The following SGCZ variants were observed in gnomAD, a reference collection of about 807,000 sequenced individuals.
SGCZ encodes sarcoglycan zeta.
Under a neutral mutation model 41.3 loss-of-function variants are expected in SGCZ, and 40 were observed. The observed-to-expected ratio is 0.97, with a 90% CI of 0.75 to 1.26. The LOEUF (loss-of-function observed/expected upper bound fraction) is 1.26, where lower values mean the gene tolerates loss of function less well. Among genes scored for constraint, SGCZ ranks in the 50% most tolerant of loss-of-function variants. SGCZ has a pLI of 0.00. For missense variants in SGCZ, 552 were observed against 369.8 expected (o/e 1.49, Z -4.04); for synonymous variants, 206 against 137.5 (o/e 1.50, Z -3.49).
At chr8:15,095,301 GTTACCCAAGCTGAT>G (rs1806304478) in intron 1 of SGCZ, among the ~76,000 whole-genome samples, 1 of 152,038 alleles carries the variant, frequency 6.6e-6, no homozygotes, top group African/African-American at 2.4e-5. Context: ...GTTTCACCAT[GTTACCCAAGCTGAT>G]CTCAAATTCC....
At chr8:15,235,733 GGAAA>G (rs139838684) in intron 1 of SGCZ, among the ~76,000 whole-genome samples, 2,956 of 152,126 alleles carry the variant, frequency 0.019, 95 homozygotes, top group African/African-American at 0.065. Flanking sequence ...GGATTTCAGG[GGAAA>G]GAATCACCCC....
At chr8:14,580,201 C>T (rs1201519657) in intron 1 of SGCZ, among the ~76,000 whole-genome samples, 1 of 152,154 alleles carries the variant, frequency 6.6e-6, no homozygotes, top group Non-Finnish European at 1.5e-5. Flanking sequence ...AATGGGTCAA[C>T]AGTAGAACAG....
intron 2 of SGCZ, among the ~76,000 whole-genome samples, chr8:14,398,382 C>T (rs1423081932): frequency 6.6e-6 from 1 of 152,094 alleles, no homozygotes; most frequent in African/African-American, 2.4e-5. Flanking sequence ...AGCATCCTTT[C>T]CTCCTAGATG....
chr8:14,504,931 A>T (rs1028209897), intron 2 of SGCZ, among the ~76,000 whole-genome samples: 4 of 152,186 alleles, frequency 2.6e-5, no homozygotes, highest in African/African-American at 9.6e-5. Context: ...TACCAATGAA[A>T]GAAAATGTGT....
intron 7 of SGCZ, among the ~76,000 whole-genome samples, chr8:14,096,571 T>C (rs889440939): frequency 1.3e-5 from 2 of 152,192 alleles, no homozygotes; most frequent in South Asian, 2.1e-4. Context: ...TTTTCTTTTT[T>C]TGTTGTGTCT....
chr8:14,614,961 T>C (rs1397860740), intron 1 of SGCZ, among the ~76,000 whole-genome samples: 1 of 150,942 alleles, frequency 6.6e-6, no homozygotes, highest in Non-Finnish European at 1.5e-5. Flanking sequence ...CATATCATTT[T>C]ATATATACAC....
At chr8:14,810,215 G>T (rs1801699031) in intron 1 of SGCZ, among the ~76,000 whole-genome samples, 1 of 151,962 alleles carries the variant, frequency 6.6e-6, no homozygotes, top group Admixed American at 6.6e-5. Flanking sequence ...AGCAGATTGT[G>T]AATTTGGTAA....
At chr8:14,398,719 T>G (rs1259288019) in intron 2 of SGCZ, among the ~76,000 whole-genome samples, 1 of 152,106 alleles carries the variant, frequency 6.6e-6, no homozygotes, top group Non-Finnish European at 1.5e-5. Flanking sequence ...AGAAATAACA[T>G]TATTTATTGG....
At chr8:14,901,133 C>A (rs1450346691) in intron 1 of SGCZ, among the ~76,000 whole-genome samples, 1 of 152,200 alleles carries the variant, frequency 6.6e-6, no homozygotes, top group Non-Finnish European at 1.5e-5. Context: ...AAATATCAAT[C>A]TAATTATACA....
At chr8:15,184,383 G>GC in intron 1 of SGCZ, among the ~76,000 whole-genome samples, 3 of 152,268 alleles carry the variant, frequency 2.0e-5, no homozygotes, top group Non-Finnish European at 4.4e-5. Context: ...TGAAACAGCT[G>GC]CATCTCTATA....
chr8:14,405,838 C>T (rs11994979), intron 2 of SGCZ, among the ~76,000 whole-genome samples: 20,427 of 152,112 alleles, frequency 0.13, 3,002 homozygotes, highest in African/African-American at 0.36. Flanking sequence ...TCGGCATTAT[C>T]ATTAGAATAA....
chr8:14,257,942 A>G (rs1483769138), intron 3 of SGCZ, among the ~76,000 whole-genome samples: 2 of 152,218 alleles, frequency 1.3e-5, no homozygotes, highest in South Asian at 2.1e-4. Flanking sequence ...CTACCTACCA[A>G]TTCAAGATCA....
At chr8:14,371,424 T>C (rs528650135) in intron 2 of SGCZ, among the ~76,000 whole-genome samples, 2 of 152,224 alleles carry the variant, frequency 1.3e-5, no homozygotes, top group South Asian at 4.1e-4. Flanking sequence ...TAACAATGAC[T>C]TTAAATCTGT....
chr8:14,416,225 C>A (rs921418898), intron 2 of SGCZ, among the ~76,000 whole-genome samples: 17 of 151,820 alleles, frequency 1.1e-4, no homozygotes, highest in African/African-American at 4.1e-4. Flanking sequence ...AGAAGGCCTC[C>A]TTTAAGGCAG....
chr8:14,497,638 T>C (rs752182271), intron 2 of SGCZ, among the ~76,000 whole-genome samples: 3 of 151,986 alleles, frequency 2.0e-5, no homozygotes, highest in African/African-American at 2.4e-5. Context: ...GTTAGTGTAT[T>C]TTATGTGTGG....
intron 2 of SGCZ, among the ~76,000 whole-genome samples, chr8:14,374,650 C>T (rs1178386460): frequency 6.6e-6 from 1 of 152,150 alleles, no homozygotes; most frequent in African/African-American, 2.4e-5. Context: ...GGAGGCCAGA[C>T]CACATACTGC....
At chr8:14,569,441 C>A (rs775677977) in intron 1 of SGCZ, among the ~76,000 whole-genome samples, 4 of 152,134 alleles carry the variant, frequency 2.6e-5, no homozygotes, top group Admixed American at 6.5e-5. Flanking sequence ...CTTTCCTTAG[C>A]TTCAAGAAAT....
At chr8:14,502,625 C>T (rs62498387) in intron 2 of SGCZ, among the ~76,000 whole-genome samples, 2,883 of 152,010 alleles carry the variant, frequency 0.019, 62 homozygotes, top group African/African-American at 0.047. Context: ...AAAACAACCC[C>T]ATTAAAAAGT....
chr8:14,419,124 T>TA (rs1296598161), intron 2 of SGCZ, among the ~76,000 whole-genome samples: 1 of 151,772 alleles, frequency 6.6e-6, no homozygotes, highest in Non-Finnish European at 1.5e-5. Flanking sequence ...AAAAGTATAA[T>TA]AAAAATATTT....
Sources: allele counts gnomAD v4.1 joint callset (sites outside exome capture counted in the v4.1 genomes callset), GRCh38; gene constraint gnomAD v4.1.1; transcripts MANE v1.5; gene names NCBI Gene and HGNC (gene_info 2026-07-23, HGNC 2026-07-21).